PHF21B: variants seen among roughly 807,000 people sequenced by gnomAD.
The protein encoded by PHF21B is PHD finger protein 4.
Under a neutral mutation model 62.2 loss-of-function variants are expected in PHF21B, and 22 were observed. That is an observed-to-expected ratio of 0.35 (90% CI 0.25 to 0.51). PHF21B has a LOEUF of 0.51. Among genes scored for constraint, PHF21B ranks in the 20% least tolerant of loss-of-function variants. PHF21B has a pLI of 0.97. For missense variants in PHF21B, 701 were observed against 707.9 expected, an observed-to-expected ratio of 0.99 and a Z score of 0.11; for synonymous variants, 341 against 314.7, an observed-to-expected ratio of 1.08 and a Z score of -0.88.
At position 44,975,523 on chromosome 22, in the gene PHF21B, C is replaced by T. The variant is rs2072721019; in HGVS notation, c.120+33022G>A. Among the ~76,000 whole-genome samples the T allele has an allele frequency of 2.0e-5, 3 of 152,228 alleles. No homozygotes were observed. The South Asian group carries it at 6.2e-4, about 31-fold the overall frequency. ...AGCAGGTCTCATCACTGGGCGCCCT[C>T]CTGCCCTGACAGCAGAGAGGGTTTT... On this transcript the variant is annotated intron_variant, in intron 2 of 12. Coordinates refer to ENST00000313237, the MANE Select transcript of PHF21B (RefSeq NM_138415.5).
At chr22:44,983,348 T>C (rs1202976951) in intron 2 of PHF21B, among the ~76,000 whole-genome samples, 4 of 152,190 alleles carry the variant, frequency 2.6e-5, no homozygotes, top group Admixed American at 2.0e-4. Flanking sequence ...CATGTTGGCA[T>C]GTTTGCTGCC....
intron 2 of PHF21B, among the ~76,000 whole-genome samples, chr22:44,992,958 G>A (rs1776590584): frequency 6.6e-6 from 1 of 152,200 alleles, no homozygotes; most frequent in African/African-American, 2.4e-5. Context: ...GATTCAGAAA[G>A]AGCTGAGCTT....
intron 2 of PHF21B, among the ~76,000 whole-genome samples, chr22:44,942,036 TG>T (rs2071968842): frequency 6.6e-6 from 1 of 152,032 alleles, no homozygotes; most frequent in Non-Finnish European, 1.5e-5. Context: ...CGAGGCCCAG[TG>T]GGGGGAATGC....
intron 2 of PHF21B, among the ~76,000 whole-genome samples, chr22:44,973,542 G>T (rs556437552): frequency 6.6e-6 from 1 of 152,108 alleles, no homozygotes; most frequent in African/African-American, 2.4e-5. Flanking sequence ...AGCTGAGTGG[G>T]GGCTACCTCA....
intron 2 of PHF21B, among the ~76,000 whole-genome samples, chr22:44,969,487 G>T (rs1225685591): frequency 6.6e-6 from 1 of 152,140 alleles, no homozygotes; most frequent in African/African-American, 2.4e-5. Flanking sequence ...CCAACATGGT[G>T]AAACTCCGTC....
intron 5 of PHF21B, among the ~76,000 whole-genome samples, chr22:44,903,649 C>T (rs1381559448): frequency 3.9e-4 from 59 of 152,178 alleles, no homozygotes; most frequent in Non-Finnish European, 4.4e-5. Context: ...GTCAAATTTG[C>T]CTTTTACAAT....
chr22:44,995,797 A>ACCCCCCC (rs2073111277), intron 2 of PHF21B, among the ~76,000 whole-genome samples: 1 of 61,060 alleles, frequency 1.6e-5, no homozygotes, highest in African/African-American at 6.3e-5. Context: ...CCCGCCCCCC[A>ACCCCCCC]CCTCCACCCC....
chr22:45,003,671 G>A (rs142666580), intron 2 of PHF21B: 27 of 152,332 alleles, frequency 1.8e-4, no homozygotes, highest in African/African-American at 6.3e-4. Context: ...ACTGACTCTG[G>A]GGAAGAATAT....
At chr22:44,985,580 A>G (rs546657213) in intron 2 of PHF21B, among the ~76,000 whole-genome samples, 1 of 152,166 alleles carries the variant, frequency 6.6e-6, no homozygotes, top group Non-Finnish European at 1.5e-5. Flanking sequence ...CCTGGGCAAG[A>G]AAACAAGACC....
At chr22:44,929,973 C>T (rs970686284) in intron 2 of PHF21B, among the ~76,000 whole-genome samples, 7 of 152,220 alleles carry the variant, frequency 4.6e-5, no homozygotes, top group Non-Finnish European at 7.3e-5. Context: ...AGCTGGGATC[C>T]ACCCACTGTC....
chr22:44,890,845 G>A (rs1738470920), intron 8 of PHF21B, among the ~76,000 whole-genome samples: 2 of 152,382 alleles, frequency 1.3e-5, no homozygotes, highest in South Asian at 4.1e-4. Context: ...GCGAGGCAGA[G>A]GCAGAACTGG....
chr22:44,948,000 C>CGCTGTTGTCCCTCCTCCCA (rs2072111244), intron 2 of PHF21B, among the ~76,000 whole-genome samples: 1 of 152,128 alleles, frequency 6.6e-6, no homozygotes, highest in Non-Finnish European at 1.5e-5. Flanking sequence ...CCCTCCTCCC[C>CGCTGTTGTCCCTCCTCCCA]GCTGTTGTCC....
chr22:44,981,842 T>A (rs183328591), intron 2 of PHF21B, among the ~76,000 whole-genome samples: 3 of 152,076 alleles, frequency 2.0e-5, no homozygotes, highest in African/African-American at 7.2e-5. Context: ...TGACAAAAGG[T>A]TGACCATGAA....
At chr22:44,925,209 C>T (rs1034035868) in intron 2 of PHF21B, among the ~76,000 whole-genome samples, 3 of 152,192 alleles carry the variant, frequency 2.0e-5, no homozygotes, top group Admixed American at 6.5e-5. Flanking sequence ...GATGTGTTCA[C>T]GATCTTCATT....
At chr22:44,935,012 T>C (rs2071816631) in intron 2 of PHF21B, among the ~76,000 whole-genome samples, 1 of 152,102 alleles carries the variant, frequency 6.6e-6, no homozygotes, top group Non-Finnish European at 1.5e-5. Flanking sequence ...CAGAAGAAGT[T>C]CCCAGGGCCT....
chr22:44,936,932 G>C (rs2071862182), intron 2 of PHF21B, among the ~76,000 whole-genome samples: 1 of 149,840 alleles, frequency 6.7e-6, no homozygotes, highest in Non-Finnish European at 1.5e-5. Context: ...GAGTGCAATG[G>C]CGCAATTTCG....
At position 44,953,138 on chromosome 22, in the gene PHF21B, A is replaced by G. The variant is rs931008323; in HGVS notation, c.121-32648T>C. Among the ~76,000 whole-genome samples, 7 of 152,306 alleles carry G rather than the reference A, an allele frequency of 4.6e-5. No homozygotes were observed. The South Asian group carries it at 1.4e-3, about 32-fold the overall frequency. ...AGGGTGCCCATGAACACTGAGCCAG[A>G]AGGAGAAGGTCCCCACAGGACTCTT... On this transcript the variant is annotated intron_variant, in intron 2 of 12. Transcript: ENST00000313237.
Position 45,008,519 on chromosome 22 carries a change from G to A in PHF21B, c.120+26C>T, listed in dbSNP as rs538171309. 9.8e-6 allele frequency: 15 copies of A among 1,531,420 alleles called. No individual in the cohort carries two copies. In the African/African-American group the frequency reaches 1.8e-4, roughly 18 times the overall value. The allele number at this position is 1,531,420 out of a possible 1,614,324, so 94.9% of individuals were successfully genotyped here. On this transcript the variant is annotated intron_variant, in intron 2 of 12. Transcript: ENST00000313237. ...CCAGCCACCCTCCCGCCCCATCCCA[G>A]GGGGGGCCGCGATCCCATCGCTTAC... is the stretch of plus-strand genomic sequence containing the variant.
At chr22:44,968,427 T>C (rs1246553517) in intron 2 of PHF21B, among the ~76,000 whole-genome samples, 1 of 152,106 alleles carries the variant, frequency 6.6e-6, no homozygotes, top group Non-Finnish European at 1.5e-5. Context: ...GCAGATCACT[T>C]GAGGTCAGGA....
Sources: allele counts gnomAD v4.1 joint callset (sites outside exome capture counted in the v4.1 genomes callset), GRCh38; gene constraint gnomAD v4.1.1; transcripts MANE v1.5; gene names NCBI Gene and HGNC (gene_info 2026-07-23, HGNC 2026-07-21).